DNAAF9: variants seen among roughly 807,000 people sequenced by gnomAD.
The protein encoded by DNAAF9 is shulin.
In DNAAF9, 90 loss-of-function variants were observed where a neutral mutation model predicts 167.0. The ratio of observed to expected loss-of-function variants is 0.54; its 90% CI spans 0.45 to 0.64. DNAAF9 has a LOEUF of 0.64. DNAAF9 is among the 30% of genes least tolerant of loss of function. DNAAF9 has a pLI of 0.00. For synonymous variants in DNAAF9, 491 were observed against 508.8 expected (o/e 0.96, Z 0.47); for missense variants, 1,315 against 1,442.2 (o/e 0.91, Z 1.43).
At chr20:3,264,004 C>G (rs1399701987) in intron 31 of DNAAF9, among the ~76,000 whole-genome samples, 2 of 152,196 alleles carry the variant, frequency 1.3e-5, no homozygotes, top group Non-Finnish European at 2.9e-5. Context: ...ACAGGCTGTG[C>G]AGCATCCTAC....
intron 1 of DNAAF9, among the ~76,000 whole-genome samples, chr20:3,403,704 T>C (rs2084018554): frequency 6.6e-6 from 1 of 152,022 alleles, no homozygotes; most frequent in Non-Finnish European, 1.5e-5. Context: ...CTCATGATCT[T>C]CCAACTACAG....
Position 3,255,418 on chromosome 20 carries a change from A to G in DNAAF9, c.3262-134T>C, listed in dbSNP as rs80068805. ...AGCACGTGCGCTATGGCCTGGATAT[A>G]ATATTCTGTCTAGTCTGCTCTTTGA... is the stretch of plus-strand genomic sequence containing the variant. On this transcript the variant is annotated intron_variant, in intron 34 of 36. Coordinates refer to ENST00000252032, the MANE Select transcript of DNAAF9 (RefSeq NM_001009984.3). 1,937 of 625,252 alleles carry G rather than the reference A, an allele frequency of 3.1e-3. 14 individuals carry two copies. Among genetic ancestry groups the G allele is most frequent in the East Asian group, 0.021 (746 of 35,546 alleles). The allele number at this position is 625,252 out of a possible 1,614,324, so 38.7% of individuals were successfully genotyped here. A position where few individuals can be genotyped will look rare whatever the true frequency, so the allele number is the denominator to read the frequency against.
intron 6 of DNAAF9, chr20:3,361,832 A>G: frequency 2.8e-6 from 4 of 1,427,648 alleles, no homozygotes; most frequent in Non-Finnish European, 3.9e-6. Flanking sequence ...AGACTGCTTA[A>G]ATCGAATGTT....
At chr20:3,347,793 G>A (rs146085690) in intron 8 of DNAAF9, among the ~76,000 whole-genome samples, 9,437 of 152,140 alleles carry the variant, frequency 0.062, 374 homozygotes, top group Non-Finnish European at 0.082. Context: ...ATGGTGGTGT[G>A]TGCCAGTAAT....
At chr20:3,399,259 C>T (rs2083951103) in intron 1 of DNAAF9, among the ~76,000 whole-genome samples, 1 of 152,010 alleles carries the variant, frequency 6.6e-6, no homozygotes. Context: ...CACTCTGTCA[C>T]CCAGGCTGGA....
intron 1 of DNAAF9, among the ~76,000 whole-genome samples, chr20:3,400,018 T>C (rs570428096): frequency 1.3e-5 from 2 of 152,344 alleles, no homozygotes; most frequent in East Asian, 1.9e-4. Flanking sequence ...TTCCAGAACT[T>C]CAGAAACTGT....
At chr20:3,393,380 G>GGCAT (rs1387518282) in intron 1 of DNAAF9, among the ~76,000 whole-genome samples, 1 of 151,754 alleles carries the variant, frequency 6.6e-6, no homozygotes, top group Non-Finnish European at 1.5e-5. Context: ...TGGTTACAGG[G>GGCAT]GCATGCCTAT....
At chr20:3,385,605 T>C (rs925816612) in intron 1 of DNAAF9, among the ~76,000 whole-genome samples, 2 of 151,986 alleles carry the variant, frequency 1.3e-5, no homozygotes, top group Non-Finnish European at 2.9e-5. Flanking sequence ...TGAAAAAAAA[T>C]TTTGGAGAGA....
intron 25 of DNAAF9, among the ~76,000 whole-genome samples, chr20:3,291,030 C>A (rs1326017562): frequency 6.6e-6 from 1 of 151,994 alleles, no homozygotes; most frequent in Admixed American, 6.6e-5. Flanking sequence ...CTTGGGTGAT[C>A]CACCCGCCTT....
intron 11 of DNAAF9, 107 bp from the exon 12 acceptor site, chr20:3,330,789 C>CA: frequency 1.9e-6 from 1 of 530,612 alleles, no homozygotes; most frequent in African/African-American, 2.2e-5. Flanking sequence ...TCAAGAACTA[C>CA]ACTTTTTTTT....
intron 20 of DNAAF9, among the ~76,000 whole-genome samples, chr20:3,309,316 T>A (rs1287084351): frequency 6.6e-6 from 1 of 152,196 alleles, no homozygotes; most frequent in Non-Finnish European, 1.5e-5. Flanking sequence ...ATGTCATTTT[T>A]AATGCCTTTT....
intron 29 of DNAAF9, among the ~76,000 whole-genome samples, chr20:3,278,702 G>C (rs1568573967): frequency 6.6e-6 from 1 of 152,164 alleles, no homozygotes; most frequent in Non-Finnish European, 1.5e-5. Context: ...CTGGGCGACA[G>C]AGTAAGACTC....
intron 27 of DNAAF9, among the ~76,000 whole-genome samples, chr20:3,283,320 C>G (rs2068793212): frequency 1.3e-5 from 2 of 152,192 alleles, no homozygotes; most frequent in Non-Finnish European, 2.9e-5. Flanking sequence ...ACGAACAACT[C>G]ATCTGTAAAA....
Position 3,348,625 on chromosome 20 carries a change from T to TG in DNAAF9, c.691-3dup, listed in dbSNP as rs1568619997. On this transcript the variant is annotated splice_region_variant and splice_polypyrimidine_tract_variant and intron_variant, in intron 7 of 36. Coordinates refer to ENST00000252032, the MANE Select transcript of DNAAF9 (RefSeq NM_001009984.3). ...CTGATGTTCAAAAGCCACCAAATCC[T>TG]GGGAAAAAAAGGAAAAAGATAACGT... 6.3e-7 allele frequency: 1 copy of TG among 1,581,810 alleles called. No homozygotes were observed. The highest frequency in any genetic ancestry group is 8.6e-7 in the Non-Finnish European group (1 of 1,163,454).
At chr20:3,346,888 A>G (rs2070203800) in intron 8 of DNAAF9, among the ~76,000 whole-genome samples, 1 of 152,184 alleles carries the variant, frequency 6.6e-6, no homozygotes, top group Non-Finnish European at 1.5e-5. Flanking sequence ...CAAGTGGTCT[A>G]ATGTAGAAGC....
At chr20:3,276,958 C>A (rs939292687) in intron 29 of DNAAF9, among the ~76,000 whole-genome samples, 1 of 152,182 alleles carries the variant, frequency 6.6e-6, no homozygotes, top group African/African-American at 2.4e-5. Context: ...GGACCCTACC[C>A]CTTCCTTCTC....
intron 23 of DNAAF9, chr20:3,296,292 C>T (rs2069076570): frequency 3.4e-5 from 13 of 386,100 alleles, no homozygotes; most frequent in South Asian, 2.5e-4. Flanking sequence ...GTGAGACGGG[C>T]CCGGCGCCCA....
chr20:3,314,283 A>G (rs1433142067), intron 20 of DNAAF9, among the ~76,000 whole-genome samples: 1 of 152,034 alleles, frequency 6.6e-6, no homozygotes, highest in African/African-American at 2.4e-5. Flanking sequence ...GGAGGTAACA[A>G]GGGACATGAA....
At chr20:3,395,012 G>C (rs897625254) in intron 1 of DNAAF9, among the ~76,000 whole-genome samples, 7 of 126,404 alleles carry the variant, frequency 5.5e-5, no homozygotes, top group African/African-American at 2.1e-4. Flanking sequence ...CTGTCGCCCA[G>C]GCTGGAGTGC....
Sources: allele counts gnomAD v4.1 joint callset (sites outside exome capture counted in the v4.1 genomes callset), GRCh38; gene constraint gnomAD v4.1.1; transcripts MANE v1.5; gene names NCBI Gene and HGNC (gene_info 2026-07-23, HGNC 2026-07-21).